Variants in HLA-DPA1 observed in about 807,000 individuals in gnomAD.
The protein encoded by HLA-DPA1 is HLA class II histocompatibility antigen, DP alpha 1 chain.
Under a neutral mutation model 21.5 loss-of-function variants are expected in HLA-DPA1, and 20 were observed. The observed-to-expected ratio is 0.93, with a 90% CI of 0.66 to 1.35. The LOEUF is 1.35. Among genes scored for constraint, HLA-DPA1 ranks in the 40% most tolerant of loss-of-function variants. HLA-DPA1 has a pLI of 0.00. For synonymous variants in HLA-DPA1, 123 were observed against 129.6 expected, an observed-to-expected ratio of 0.95 and a Z score of 0.35; for missense variants, 279 against 323.0, an observed-to-expected ratio of 0.86 and a Z score of 1.05.
chr6:33,076,902 G>A (rs969040908), intron 1 of HLA-DPA1, among the ~76,000 whole-genome samples: 1 of 151,918 alleles, frequency 6.6e-6, no homozygotes, highest in African/African-American at 2.4e-5. Flanking sequence ...TTTCTCTCAG[G>A]ATACTCTCAG....
intron 5 of HLA-DPA1, chr6:33,067,892 C>A (rs202030396): frequency 1.2e-5 from 1 of 80,824 alleles, no homozygotes; most frequent in African/African-American, 9.6e-5. Flanking sequence ...CAATGATGAT[C>A]ATATAATGAA....
exon 6 of HLA-DPA1, chr6:33,065,068 G>A (rs528238584): frequency 6.6e-6 from 1 of 152,318 alleles, no homozygotes; most frequent in Admixed American, 6.5e-5. Flanking sequence ...AGGTGACAGT[G>A]AGGGGTTCTT....
In HLA-DPA1 at chr6:33,080,707, G is replaced by C. The variant is rs41555313; in HGVS notation, c.-127C>G. The C allele has an allele frequency of 4.8e-5, 77 of 1,613,220 alleles. No homozygotes were observed. The East Asian group carries it at 1.7e-3, about 35-fold the overall frequency. ...TTTCCAGGGACGGCAGGAATGCTACGCGTTTAATGGGACACAGCGCTTCCT... is the reference window on the plus strand; with the variant it reads ...TTTCCAGGGACGGCAGGAATGCTACCCGTTTAATGGGACACAGCGCTTCCT... On this transcript the variant is annotated 5_prime_UTR_variant, in exon 1 of 6. Transcript: ENST00000419277. This position sits in a 1 kb window ranked among gnomAD's most constrained non-coding sequence, Gnocchi z 4.3.
chr6:33,071,568 T>C lies in HLA-DPA1; in HGVS notation c.101-1682A>G, dbSNP rs373133400. On this transcript the variant is annotated intron_variant, in intron 2 of 5. Coordinates refer to ENST00000419277, the Ensembl canonical transcript of HLA-DPA1. ...ACAAAAATATGTATTAAAAGACTAC[T>C]ATATGTCAAACACTGTTAGATGCTA... is the stretch of plus-strand genomic sequence containing the variant. Among the ~76,000 whole-genome samples, 271 of 152,012 alleles carry C rather than the reference T, an allele frequency of 1.8e-3. 1 individual carries two copies. The highest frequency in any genetic ancestry group is 0.017 in the East Asian group (86 of 5,134).
chr6:33,069,224 G>A (rs1481005282), exon 4 of HLA-DPA1: 1 of 1,612,824 alleles, frequency 6.2e-7, no homozygotes, highest in Non-Finnish European at 8.5e-7. Context: ...GGAAGAACTT[G>A]TCAATGTGGC....
intron 2 of HLA-DPA1, among the ~76,000 whole-genome samples, chr6:33,073,023 G>C (rs1235848637): frequency 6.6e-6 from 1 of 152,164 alleles, no homozygotes; most frequent in Non-Finnish European, 1.5e-5. Context: ...ACAAAAGATA[G>C]AGGCTGGGGA....
chr6:33,070,008 A>C lies in HLA-DPA1; in HGVS notation c.101-122T>G, dbSNP rs937600458. The C allele has an allele frequency of 4.8e-6, 4 of 831,494 alleles. No individual in the cohort carries two copies. The African/African-American group carries it at 7.2e-5, about 15-fold the overall frequency. 51.5% of individuals were successfully genotyped at this position (831,494 alleles called of 1,614,324 possible). On this transcript the variant is annotated intron_variant, in intron 2 of 5. Transcript: ENST00000419277. ...AGGAAGAAGGTAAGAGGTCAAAGGA[A>C]GGACATATGGGGAAGAAGAAGGAGC... is the stretch of plus-strand genomic sequence containing the variant.
In HLA-DPA1 at chr6:33,080,702, GCT is replaced by G. The variant is rs1189537940; in HGVS notation, c.-124_-123del. ...TACCTTTTCCAGGGACGGCAGGAATGCTACGCGTTTAATGGGACACAGCGCTT... is the reference window on the plus strand; with the variant it reads ...TACCTTTTCCAGGGACGGCAGGAATGACGCGTTTAATGGGACACAGCGCTT... On this transcript the variant is annotated 5_prime_UTR_variant, in exon 1 of 6. Transcript: ENST00000419277. The surrounding 1 kb of genome is among the most constrained non-coding windows in gnomAD (Gnocchi z 4.3). 1.2e-5 allele frequency: 19 copies of G among 1,613,056 alleles called. No homozygotes were observed. Among genetic ancestry groups the G allele is most frequent in the Non-Finnish European group, 1.6e-5 (19 of 1,179,784 alleles).
In HLA-DPA1 at chr6:33,080,525, A is replaced by G; in HGVS notation, c.-100+155T>C. The G allele has an allele frequency of 8.4e-7, 1 of 1,185,804 alleles. No homozygotes were observed. 73.5% of individuals were successfully genotyped at this position (1,185,804 alleles called of 1,614,324 possible). A position where few individuals can be genotyped will look rare whatever the true frequency, so the allele number is the denominator to read the frequency against. ...GAGGCTCTGCGACCCGCTTAGGACC[A>G]CAGAACTCGGTACTAGGAAAACTCC... On this transcript the variant is annotated intron_variant, in intron 1 of 5. Coordinates refer to ENST00000419277, the Ensembl canonical transcript of HLA-DPA1. This position sits in a 1 kb window ranked among gnomAD's most constrained non-coding sequence, Gnocchi z 4.3.
At chr6:33,069,742 G>C in exon 3 of HLA-DPA1, 1 of 1,612,652 alleles carries the variant, frequency 6.2e-7, no homozygotes. Context: ...AAAGGAAAAG[G>C]CTTGGCCAAA....
chr6:33,068,695 C>T, exon 5 of HLA-DPA1: 1 of 1,613,038 alleles, frequency 6.2e-7, no homozygotes, highest in Non-Finnish European at 8.5e-7. Flanking sequence ...AACGCAGAGA[C>T]TTTATGATGA....
At chr6:33,068,709 C>T (rs751649425) in exon 5 of HLA-DPA1, 32 of 1,612,992 alleles carry the variant, frequency 2.0e-5, no homozygotes, top group South Asian at 6.6e-5. Context: ...ATGATGAGGA[C>T]GGTGCCCACG....
intron 1 of HLA-DPA1, among the ~76,000 whole-genome samples, chr6:33,077,188 C>T (rs1421118805): frequency 1.3e-5 from 2 of 151,018 alleles, no homozygotes; most frequent in African/African-American, 4.9e-5. Flanking sequence ...TTTGTCCTTG[C>T]AATAGTTTGC....
At chr6:33,076,335 C>T (rs1222956261) in intron 1 of HLA-DPA1, among the ~76,000 whole-genome samples, 2 of 151,924 alleles carry the variant, frequency 1.3e-5, no homozygotes, top group Non-Finnish European at 2.9e-5. Context: ...ATTCTCTCTC[C>T]AAGGACATGG....
At chr6:33,065,735 A>G (rs549726465) in intron 5 of HLA-DPA1, 16 of 150,598 alleles carry the variant, frequency 1.1e-4, no homozygotes, top group African/African-American at 3.0e-4. Flanking sequence ...ACTTGCTCAC[A>G]TTGTGTATAC....
At chr6:33,075,950 T>G in intron 1 of HLA-DPA1, 1 of 916,702 alleles carries the variant, frequency 1.1e-6, no homozygotes, top group Non-Finnish European at 1.7e-6. Context: ...CTTGGGTTCA[T>G]GGTCTCTAAT....
Position 33,076,924 on chromosome 6 carries a change from T to A in HLA-DPA1, c.-99-3255A>T, listed in dbSNP as rs186786442. 7.5e-3 allele frequency among the ~76,000 whole-genome samples: 1,139 copies of A among 151,736 alleles called. 9 individuals are homozygous for A. Among genetic ancestry groups the A allele is most frequent in the South Asian group, 0.05 (239 of 4,802 alleles). ...CAGGATACTCTCAGGATATTTCTTT[T>A]TATATATATATATACTTTAAGTTCT... is the stretch of plus-strand genomic sequence containing the variant. On this transcript the variant is annotated intron_variant, in intron 1 of 5. Coordinates refer to ENST00000419277, the Ensembl canonical transcript of HLA-DPA1.
exon 3 of HLA-DPA1, chr6:33,069,850 G>A (rs371532700): frequency 8.6e-5 from 138 of 1,609,720 alleles, no homozygotes; most frequent in African/African-American, 1.3e-4. Context: ...TGGTCTATGC[G>A]TCTGTACAAA....
At chr6:33,068,210 G>C (rs1762058670) in intron 5 of HLA-DPA1, 1 of 141,164 alleles carries the variant, frequency 7.1e-6, no homozygotes, top group Non-Finnish European at 1.4e-5. Context: ...ATTTGGCAAT[G>C]GACTCTGGAG....
Sources: gnomAD v4.1 joint callset for allele counts (sites outside exome capture counted in the v4.1 genomes callset) on GRCh38, gnomAD v4.1.1 for gene constraint, Gnocchi (gnomAD v3.1) non-coding constraint, MANE v1.5 for transcripts, NCBI Gene and HGNC (gene_info 2026-07-23, HGNC 2026-07-21) for gene names.